The following TSPAN11 variants were observed in gnomAD, a reference collection of about 807,000 sequenced individuals.
TSPAN11 encodes tetraspanin-11.
TSPAN11 carries 29 observed loss-of-function variants against 32.9 expected under a neutral mutation model. That is an observed-to-expected ratio of 0.88 (90% confidence interval 0.66 to 1.20). The LOEUF is 1.20. TSPAN11 is among the 50% of genes most tolerant of loss of function. TSPAN11 has a pLI of 0.00. For missense variants in TSPAN11, 283 were observed against 329.1 expected (o/e 0.86, Z 1.08); for synonymous variants, 140 against 141.3 (o/e 0.99, Z 0.07).
intron 3 of TSPAN11, among the ~76,000 whole-genome samples, chr12:30,969,169 G>A (rs961467958): frequency 6.6e-6 from 1 of 152,224 alleles, no homozygotes; most frequent in African/African-American, 2.4e-5. Flanking sequence ...CCAGGGCCCT[G>A]CAGCCTGAGC....
chr12:30,948,524 G>A (rs2140280574), intron 1 of TSPAN11, among the ~76,000 whole-genome samples: 1 of 152,348 alleles, frequency 6.6e-6, no homozygotes, highest in East Asian at 1.9e-4. Flanking sequence ...AAGCTGCCAA[G>A]GCTTGGGGCT....
At chr12:30,961,645 G>A (rs903191658) in intron 2 of TSPAN11, among the ~76,000 whole-genome samples, 2 of 151,970 alleles carry the variant, frequency 1.3e-5, no homozygotes, top group East Asian at 1.9e-4. Context: ...CGGGGTGGAG[G>A]CTCTCAAAAC....
downstream of TSPAN11, among the ~76,000 whole-genome samples, chr12:30,998,237 G>C: frequency 6.6e-6 from 1 of 152,232 alleles, no homozygotes; most frequent in East Asian, 1.9e-4. Flanking sequence ...CAGCCAACAA[G>C]AGCCTTGTCA....
the TSPAN11 span, among the ~76,000 whole-genome samples, chr12:31,011,382 G>T: frequency 2.6e-5 from 4 of 152,176 alleles, no homozygotes; most frequent in Admixed American, 2.6e-4. Context: ...CAGGGGTGCC[G>T]CTGGGGAGCT....
chr12:30,973,669 G>A (rs1212303095), intron 3 of TSPAN11, among the ~76,000 whole-genome samples: 1 of 152,130 alleles, frequency 6.6e-6, no homozygotes, highest in Admixed American at 6.5e-5. Flanking sequence ...TGGTGGAGCG[G>A]GGGCCCTCTC....
In TSPAN11 at chr12:30,951,140, T is replaced by C. The variant is rs144016711; in HGVS notation, c.-11-2841T>C. On this transcript the variant is annotated intron_variant, in intron 1 of 7. Transcript: ENST00000546076. The stretch of plus-strand genomic sequence containing the variant: ...TCTAACTGACACATACAGAATTCTG[T>C]ACCCTATAATGACAGGATTCTCATT... 3.2e-3 allele frequency among the ~76,000 whole-genome samples: 486 copies of C among 152,288 alleles called. 2 individuals are homozygous for C. The highest frequency in any genetic ancestry group is 0.014 in the Middle Eastern group (4 of 294).
At chr12:30,982,737 G>A (rs1939120178) in intron 6 of TSPAN11, 47 bp downstream of exon 6, 123 of 1,513,530 alleles carry the variant, frequency 8.1e-5, no homozygotes, top group Non-Finnish European at 1.1e-4. Flanking sequence ...GCCCTGGCCT[G>A]GCCGTTCAGG....
At chr12:30,966,449 T>G (rs1256834294) in intron 3 of TSPAN11, among the ~76,000 whole-genome samples, 2 of 152,118 alleles carry the variant, frequency 1.3e-5, no homozygotes, top group Non-Finnish European at 2.9e-5. Flanking sequence ...TGCTGGTGAG[T>G]GGCATGCAGT....
the TSPAN11 span, among the ~76,000 whole-genome samples, chr12:31,009,091 A>G: frequency 6.6e-6 from 1 of 152,248 alleles, no homozygotes; most frequent in African/African-American, 2.4e-5. Flanking sequence ...CCTCCCTGCA[A>G]ATCAAAATGC....
chr12:30,998,271 T>C (rs1247304712), downstream of TSPAN11, among the ~76,000 whole-genome samples: 2 of 152,236 alleles, frequency 1.3e-5, no homozygotes, highest in African/African-American at 2.4e-5. Context: ...CATGATGCCA[T>C]TGCTGAAGCT....
chr12:31,012,988 G>A, the TSPAN11 span, among the ~76,000 whole-genome samples: 10 of 152,204 alleles, frequency 6.6e-5, no homozygotes, highest in Non-Finnish European at 1.5e-4. Flanking sequence ...ATCCACGTGA[G>A]AGGATTGTAC....
chr12:31,005,727 G>C, the TSPAN11 span: 1 of 156,554 alleles, frequency 6.4e-6, no homozygotes, highest in Non-Finnish European at 1.4e-5. Flanking sequence ...GCATCCAGTA[G>C]AGGAGCGGGG....
Position 30,928,628 on chromosome 12 carries a change from C to T in TSPAN11, c.-12+1832C>T, listed in dbSNP as rs139554718. ...GGAAAGATCCTTGGATGGGAGATGC[C>T]GGCAACCCAGGTCAGGTCCCGGCTC... On this transcript the variant is annotated intron_variant, in intron 1 of 7. Coordinates refer to ENST00000546076, the MANE Select transcript of TSPAN11 (RefSeq NM_001370302.1). Among the ~76,000 whole-genome samples the T allele has an allele frequency of 3.3e-5, 5 of 152,288 alleles. No individual in the cohort carries two copies. The East Asian group carries it at 9.6e-4, about 29-fold the overall frequency.
At chr12:30,948,652 C>T (rs745419126) in intron 1 of TSPAN11, among the ~76,000 whole-genome samples, 4 of 152,182 alleles carry the variant, frequency 2.6e-5, no homozygotes, top group South Asian at 2.1e-4. Context: ...ACCCTGGACT[C>T]GTCCCACAAA....
At chr12:30,998,969 C>T (rs1019616449), downstream of TSPAN11, 5 of 152,152 alleles carry the variant, frequency 3.3e-5, no homozygotes, top group Middle Eastern at 3.2e-3. Context: ...TATACAGATG[C>T]TCCTCAACAT....
intron 1 of TSPAN11, among the ~76,000 whole-genome samples, chr12:30,928,248 T>C (rs1429099468): frequency 6.6e-6 from 1 of 152,204 alleles, no homozygotes; most frequent in Admixed American, 6.5e-5. Flanking sequence ...AGAGCCTTTC[T>C]TCAGATGAGC....
intron 3 of TSPAN11, among the ~76,000 whole-genome samples, chr12:30,965,375 C>T (rs1938708724): frequency 6.6e-6 from 1 of 152,206 alleles, no homozygotes; most frequent in Non-Finnish European, 1.5e-5. Flanking sequence ...TCTCACCTGC[C>T]TCCTTCCTTC....
At chr12:31,008,639 C>T in the TSPAN11 span, among the ~76,000 whole-genome samples, 1 of 152,246 alleles carries the variant, frequency 6.6e-6, no homozygotes, top group African/African-American at 2.4e-5. Context: ...TAGACAGGCT[C>T]TACTCCCTCC....
chr12:30,955,692 G>T (rs541159089), intron 2 of TSPAN11, among the ~76,000 whole-genome samples: 1 of 152,256 alleles, frequency 6.6e-6, no homozygotes, highest in East Asian at 1.9e-4. Flanking sequence ...CCCAGCTTCT[G>T]GTTGTGGCTG....
Sources: allele counts gnomAD v4.1 joint callset (sites outside exome capture counted in the v4.1 genomes callset), GRCh38; gene constraint gnomAD v4.1.1; transcripts MANE v1.5; gene names NCBI Gene and HGNC (gene_info 2026-07-23, HGNC 2026-07-21).